DOK6: variants seen among roughly 807,000 people sequenced by gnomAD.
DOK6 encodes docking protein 6.
In DOK6, 22 loss-of-function variants were observed where a neutral mutation model predicts 44.0. The ratio of observed to expected loss-of-function variants is 0.50; its 90% CI spans 0.36 to 0.71. DOK6 has a LOEUF of 0.71. DOK6 is among the 30% of genes least tolerant of loss of function. The pLI, the probability that DOK6 is intolerant of heterozygous loss-of-function variation, is 0.00. For missense variants in DOK6, 340 were observed against 416.4 expected, an observed-to-expected ratio of 0.82 and a Z score of 1.60; for synonymous variants, 166 against 145.5, an observed-to-expected ratio of 1.14 and a Z score of -1.01.
chr18:69,522,613 C>T (rs960817254), intron 1 of DOK6, among the ~76,000 whole-genome samples: 3 of 152,028 alleles, frequency 2.0e-5, no homozygotes, highest in Non-Finnish European at 4.4e-5. Flanking sequence ...AGTAGAGACT[C>T]ACAAAACTAA....
intron 1 of DOK6, among the ~76,000 whole-genome samples, chr18:69,477,449 C>G (rs1486927905): frequency 1.3e-5 from 2 of 152,104 alleles, no homozygotes; most frequent in African/African-American, 4.8e-5. Context: ...TTTGCCATAG[C>G]AATGGAAAAC....
At position 69,630,090 on chromosome 18, in the gene DOK6, T is replaced by C. The variant is rs183702052; in HGVS notation, c.289+30592T>C. ...CACACTTCCAGCAGAAACTGTAATA[T>C]ACAGATGACTCTGCATTTGATGGTA... On this transcript the variant is annotated intron_variant, in intron 3 of 7. Coordinates refer to ENST00000382713, the MANE Select transcript of DOK6 (RefSeq NM_152721.6). Among the ~76,000 whole-genome samples, 950 of 152,286 alleles carry C rather than the reference T, an allele frequency of 6.2e-3. 12 individuals carry two copies. Among genetic ancestry groups the C allele is most frequent in the African/African-American group, 0.022 (903 of 41,558 alleles).
chr18:69,839,141 C>A (rs1317951997), intron 7 of DOK6, among the ~76,000 whole-genome samples: 1 of 149,992 alleles, frequency 6.7e-6, no homozygotes, highest in East Asian at 2.0e-4. Flanking sequence ...CACCTAGACT[C>A]CCCCTAGCTC....
intron 3 of DOK6, among the ~76,000 whole-genome samples, chr18:69,671,116 C>T (rs899164051): frequency 2.6e-4 from 40 of 152,126 alleles, no homozygotes; most frequent in African/African-American, 3.9e-4. Flanking sequence ...CACTAACCTC[C>T]GTATTAAAGA....
At chr18:69,481,296 C>T (rs1026409323) in intron 1 of DOK6, among the ~76,000 whole-genome samples, 2 of 151,968 alleles carry the variant, frequency 1.3e-5, no homozygotes, top group Non-Finnish European at 2.9e-5. Flanking sequence ...CATATATATA[C>T]ATGTGCCATG....
chr18:69,811,576 A>C (rs1209660446), intron 7 of DOK6, among the ~76,000 whole-genome samples: 55 of 13,968 alleles, frequency 3.9e-3, no homozygotes, highest in East Asian at 0.014. Flanking sequence ...ATATATATAT[A>C]TCAAAACACT....
Position 69,543,274 on chromosome 18 carries a change from G to A in DOK6, c.67-21213G>A, listed in dbSNP as rs144816306. On this transcript the variant is annotated intron_variant, in intron 1 of 7. Transcript: ENST00000382713. ...AGAATAAATGGTGATTCTCCTTCAT[G>A]ACTGGTTTCCAGTTTGAGAACAAGG... Among the ~76,000 whole-genome samples, 41 of 151,656 alleles carry A rather than the reference G, an allele frequency of 2.7e-4. No individual in the cohort carries two copies. In the East Asian group the frequency reaches 7.3e-3, roughly 27 times the overall value.
intron 5 of DOK6, among the ~76,000 whole-genome samples, chr18:69,704,721 C>T (rs968831490): frequency 2.0e-5 from 3 of 152,134 alleles, no homozygotes; most frequent in African/African-American, 7.2e-5. Context: ...CTTCGTGATC[C>T]ACTTGCCTCG....
At chr18:69,561,312 CTG>C (rs1982826909) in intron 1 of DOK6, among the ~76,000 whole-genome samples, 1 of 152,156 alleles carries the variant, frequency 6.6e-6, no homozygotes, top group South Asian at 2.1e-4. Context: ...CTATATCAAA[CTG>C]TCTCTTCTTG....
intron 4 of DOK6, 134 bp from the exon 5 acceptor site, chr18:69,698,270 A>T (rs746860262): frequency 6.1e-5 from 43 of 707,598 alleles, no homozygotes; most frequent in Non-Finnish European, 6.3e-5. Context: ...ATGTTCTACA[A>T]TGTTTATCCA....
At chr18:69,444,404 A>C (rs144233838) in intron 1 of DOK6, among the ~76,000 whole-genome samples, 1 of 152,262 alleles carries the variant, frequency 6.6e-6, no homozygotes, top group Non-Finnish European at 1.5e-5. Context: ...CACCATATGG[A>C]CTTGATTCAA....
chr18:69,479,584 C>A (rs755336389), intron 1 of DOK6, among the ~76,000 whole-genome samples: 5 of 152,048 alleles, frequency 3.3e-5, no homozygotes, highest in Non-Finnish European at 5.9e-5. Flanking sequence ...ATTCTGAGCT[C>A]TTTGAAAGGA....
intron 1 of DOK6, among the ~76,000 whole-genome samples, chr18:69,446,449 T>G (rs1405639654): frequency 3.9e-5 from 6 of 152,038 alleles, no homozygotes; most frequent in African/African-American, 1.4e-4. Flanking sequence ...CTTAATCCAG[T>G]CTATCATTTT....
At chr18:69,685,742 C>T (rs903527675) in intron 4 of DOK6, among the ~76,000 whole-genome samples, 5 of 152,074 alleles carry the variant, frequency 3.3e-5, no homozygotes, top group Admixed American at 2.6e-4. Context: ...TAGGAATTTG[C>T]CCATTGCTTG....
chr18:69,663,573 G>A (rs1985582939), intron 3 of DOK6, among the ~76,000 whole-genome samples: 2 of 152,194 alleles, frequency 1.3e-5, no homozygotes, highest in South Asian at 2.1e-4. Flanking sequence ...GGAGAACACT[G>A]TTAATTGGGA....
intron 3 of DOK6, among the ~76,000 whole-genome samples, chr18:69,631,504 G>A (rs79414724): frequency 1.1e-4 from 16 of 152,272 alleles, no homozygotes; most frequent in African/African-American, 3.9e-4. Flanking sequence ...ACCTCAGTTT[G>A]GTCAGCTGAG....
At chr18:69,761,915 T>C (rs1979568955) in intron 7 of DOK6, among the ~76,000 whole-genome samples, 1 of 152,118 alleles carries the variant, frequency 6.6e-6, no homozygotes, top group Non-Finnish European at 1.5e-5. Flanking sequence ...AGTCCTTGTC[T>C]CTTCAGAAGA....
intron 6 of DOK6, among the ~76,000 whole-genome samples, chr18:69,747,742 T>C (rs951884717): frequency 1.3e-5 from 2 of 152,178 alleles, no homozygotes; most frequent in Non-Finnish European, 2.9e-5. Flanking sequence ...TTCCCATCTG[T>C]AAGAAAATTG....
chr18:69,634,120 C>A (rs1984751207), intron 3 of DOK6, among the ~76,000 whole-genome samples: 1 of 150,968 alleles, frequency 6.6e-6, no homozygotes. Flanking sequence ...AAAATTAGTC[C>A]AAACATAAAA....
Sources: gnomAD v4.1 joint callset for allele counts (sites outside exome capture counted in the v4.1 genomes callset) on GRCh38, gnomAD v4.1.1 for gene constraint, MANE v1.5 for transcripts, NCBI Gene and HGNC (gene_info 2026-07-23, HGNC 2026-07-21) for gene names.